CADPS: variants seen among roughly 807,000 people sequenced by gnomAD.
CADPS encodes the protein calcium dependent secretion activator, also known as calcium-dependent secretion activator 1.
A neutral mutation model predicts 167.3 loss-of-function variants in CADPS; 57 were observed. The ratio of observed to expected loss-of-function variants is 0.34; its 90% CI spans 0.28 to 0.42. The LOEUF (loss-of-function observed/expected upper bound fraction) is 0.42, where lower values mean the gene tolerates loss of function less well. Among genes scored for constraint, CADPS ranks in the 20% least tolerant of loss-of-function variants. The probability of loss-of-function intolerance (pLI) is 1.00; values close to 1 mark genes in which losing one functional copy is unlikely to be tolerated. For missense variants in CADPS, 1,414 were observed against 1,738.1 expected (o/e 0.81, Z 3.32); for synonymous variants, 676 against 635.3 (o/e 1.06, Z -0.96).
intron 6 of CADPS, among the ~76,000 whole-genome samples, chr3:62,611,835 G>A (rs2061541776): frequency 6.6e-6 from 1 of 152,186 alleles, no homozygotes; most frequent in Admixed American, 6.5e-5. Flanking sequence ...GATCTAGGAA[G>A]GCAAAGTCTT....
intron 1 of CADPS, among the ~76,000 whole-genome samples, chr3:62,786,374 A>C (rs1377410256): frequency 6.6e-6 from 1 of 152,032 alleles, no homozygotes; most frequent in Non-Finnish European, 1.5e-5. Flanking sequence ...GCTTATAAAA[A>C]TCTCTAATGG....
At chr3:62,720,676 A>C (rs1042349163) in intron 3 of CADPS, among the ~76,000 whole-genome samples, 1 of 151,986 alleles carries the variant, frequency 6.6e-6, no homozygotes, top group African/African-American at 2.4e-5. Context: ...ATACAGATGG[A>C]GAAATTAGGC....
chr3:62,610,508 C>T (rs992378997), intron 6 of CADPS, among the ~76,000 whole-genome samples: 2 of 152,176 alleles, frequency 1.3e-5, no homozygotes, highest in Non-Finnish European at 2.9e-5. Context: ...ACCTCGGCCT[C>T]CCAAAGTGTT....
chr3:62,459,796 G>T (rs1237930323), intron 26 of CADPS, among the ~76,000 whole-genome samples: 1 of 152,180 alleles, frequency 6.6e-6, no homozygotes, highest in African/African-American at 2.4e-5. Flanking sequence ...CACATAGTAG[G>T]CACTCCATAA....
At chr3:62,563,873 AT>A (rs1200150184) in intron 9 of CADPS, among the ~76,000 whole-genome samples, 1 of 152,198 alleles carries the variant, frequency 6.6e-6, no homozygotes, top group Non-Finnish European at 1.5e-5. Context: ...CCATTAATTC[AT>A]TCCTTTTTAT....
intron 2 of CADPS, among the ~76,000 whole-genome samples, chr3:62,762,627 G>T (rs2085764133): frequency 7.0e-6 from 1 of 142,880 alleles, no homozygotes; most frequent in South Asian, 2.2e-4. Context: ...CTGCACTCCA[G>T]CCTGGGTAAC....
chr3:62,785,209 T>C (rs2152692758), intron 1 of CADPS, among the ~76,000 whole-genome samples: 1 of 152,290 alleles, frequency 6.6e-6, no homozygotes, highest in South Asian at 2.1e-4. Context: ...GATATTTTCA[T>C]AATTTAGAGT....
chr3:62,756,876 G>C (rs2084051514), intron 2 of CADPS, among the ~76,000 whole-genome samples: 1 of 152,142 alleles, frequency 6.6e-6, no homozygotes, highest in Non-Finnish European at 1.5e-5. Flanking sequence ...GGAGGGGCCA[G>C]AGAGTCCAGG....
chr3:62,489,361 C>G lies in CADPS; in HGVS notation c.3026+1978G>C, dbSNP rs188389157. Among the ~76,000 whole-genome samples the G allele has an allele frequency of 7.9e-5, 12 of 152,258 alleles. No individual in the cohort carries two copies. In the East Asian group the frequency reaches 2.3e-3, roughly 29 times the overall value. On this transcript the variant is annotated intron_variant, in intron 21 of 29. Transcript: ENST00000383710. ...ATTTTTAGTAGAGACGGGGTTTCAC[C>G]GTGTTAGCCAGGATGTTCTCGATCC...
chr3:62,710,581 T>C (rs1223714711), intron 3 of CADPS, among the ~76,000 whole-genome samples: 1 of 152,068 alleles, frequency 6.6e-6, no homozygotes, highest in Non-Finnish European at 1.5e-5. Context: ...GGCCCCCTCA[T>C]GCCTCTCTCA....
chr3:62,696,538 C>T (rs1409880515), intron 3 of CADPS, among the ~76,000 whole-genome samples: 3 of 152,086 alleles, frequency 2.0e-5, no homozygotes, highest in Non-Finnish European at 4.4e-5. Flanking sequence ...CTTTGTGTGC[C>T]TCTACCCTCC....
At chr3:62,751,478 G>T (rs187458538) in intron 3 of CADPS, among the ~76,000 whole-genome samples, 4 of 151,854 alleles carry the variant, frequency 2.6e-5, no homozygotes, top group African/African-American at 9.7e-5. Context: ...ATGGAGTCTC[G>T]TTCTGTTGCC....
At chr3:62,795,179 T>G (rs2093316851) in intron 1 of CADPS, among the ~76,000 whole-genome samples, 2 of 152,104 alleles carry the variant, frequency 1.3e-5, no homozygotes, top group South Asian at 4.1e-4. Context: ...TGCAGGGCCT[T>G]TGCACACACT....
chr3:62,749,124 T>A lies in CADPS; in HGVS notation c.888+4317A>T, dbSNP rs751819875. 5.9e-5 allele frequency among the ~76,000 whole-genome samples: 9 copies of A among 152,326 alleles called. No individual in the cohort carries two copies. In the South Asian group the frequency reaches 1.7e-3, roughly 28 times the overall value. ...TGCCATTTTACTTTGGATATTATGT[T>A]GAGTATGAATTTCTTCTATGAGATT... On this transcript the variant is annotated intron_variant, in intron 3 of 29. Coordinates refer to ENST00000383710, the MANE Select transcript of CADPS (RefSeq NM_003716.4).
chr3:62,691,850 T>A (rs2079183993), intron 3 of CADPS, among the ~76,000 whole-genome samples: 1 of 152,048 alleles, frequency 6.6e-6, no homozygotes, highest in Non-Finnish European at 1.5e-5. Context: ...TGGTGATGGG[T>A]TGATGTGCAG....
intron 1 of CADPS, among the ~76,000 whole-genome samples, chr3:62,783,426 G>A (rs2092004897): frequency 6.6e-6 from 1 of 152,090 alleles, no homozygotes; most frequent in African/African-American, 2.4e-5. Flanking sequence ...TGAGCCTCAG[G>A]TTAGCAGTAC....
intron 16 of CADPS, among the ~76,000 whole-genome samples, chr3:62,513,103 G>C (rs962403687): frequency 6.6e-6 from 1 of 152,100 alleles, no homozygotes; most frequent in Admixed American, 6.6e-5. Context: ...AAAATCTCTA[G>C]AGGGAACAAG....
At chr3:62,646,088 G>T (rs2068504464) in intron 5 of CADPS, among the ~76,000 whole-genome samples, 1 of 151,906 alleles carries the variant, frequency 6.6e-6, no homozygotes, top group African/African-American at 2.4e-5. Flanking sequence ...GGCCAGACAG[G>T]CATATAAAAT....
intron 28 of CADPS, among the ~76,000 whole-genome samples, chr3:62,430,759 C>G (rs553549792): frequency 7.2e-5 from 11 of 152,014 alleles, no homozygotes; most frequent in African/African-American, 2.4e-4. Flanking sequence ...GGTAATGTTA[C>G]CAATCAAGGT....
Sources: allele counts gnomAD v4.1 joint callset (sites outside exome capture counted in the v4.1 genomes callset), GRCh38; gene constraint gnomAD v4.1.1; transcripts MANE v1.5; gene names NCBI Gene and HGNC (gene_info 2026-07-23, HGNC 2026-07-21).